TBC1D22A: variants seen among roughly 807,000 people sequenced by gnomAD.
The protein encoded by TBC1D22A is TBC1 domain family member 22A.
Under a neutral mutation model 60.2 loss-of-function variants are expected in TBC1D22A, and 38 were observed. The observed-to-expected ratio is 0.63, with a 90% CI of 0.49 to 0.83. The LOEUF (loss-of-function observed/expected upper bound fraction) is 0.83. TBC1D22A is among the 40% of genes least tolerant of loss of function. The pLI is 0.00. For synonymous variants in TBC1D22A, 302 were observed against 281.7 expected (o/e 1.07, Z -0.72); for missense variants, 628 against 701.0 (o/e 0.90, Z 1.18).
intron 12 of TBC1D22A, among the ~76,000 whole-genome samples, chr22:47,169,981 G>A (rs2068368839): frequency 6.6e-6 from 1 of 152,226 alleles, no homozygotes; most frequent in African/African-American, 2.4e-5. Flanking sequence ...CGCCCGTGGT[G>A]GCCCCTCTGC....
At chr22:47,101,763 G>A (rs1202741929) in intron 11 of TBC1D22A, among the ~76,000 whole-genome samples, 1 of 152,182 alleles carries the variant, frequency 6.6e-6, no homozygotes, top group Non-Finnish European at 1.5e-5. Flanking sequence ...GGCCTCATAT[G>A]CCTTGAGGGG....
intron 7 of TBC1D22A, among the ~76,000 whole-genome samples, chr22:46,905,123 C>G (rs1006773074): frequency 1.3e-5 from 2 of 152,206 alleles, no homozygotes; most frequent in Admixed American, 6.5e-5. Flanking sequence ...ACGGTGGGGA[C>G]TCTTAGGCAC....
intron 4 of TBC1D22A, among the ~76,000 whole-genome samples, chr22:46,827,277 C>T (rs567010103): frequency 6.6e-6 from 1 of 152,304 alleles, no homozygotes; most frequent in East Asian, 1.9e-4. Context: ...TGTGACCTCA[C>T]GTGGGGCAAG....
chr22:47,159,445 T>C (rs2147198769), intron 12 of TBC1D22A, among the ~76,000 whole-genome samples: 1 of 149,168 alleles, frequency 6.7e-6, no homozygotes, highest in African/African-American at 2.5e-5. Context: ...ACACAGCATG[T>C]ATACACACAG....
At chr22:47,167,334 T>C (rs980368375) in intron 12 of TBC1D22A, among the ~76,000 whole-genome samples, 5 of 152,102 alleles carry the variant, frequency 3.3e-5, no homozygotes, top group African/African-American at 1.2e-4. Flanking sequence ...CCGAAGGCAC[T>C]TTGCACACAT....
chr22:46,825,149 T>C (rs1477538882), intron 4 of TBC1D22A, among the ~76,000 whole-genome samples: 1 of 152,206 alleles, frequency 6.6e-6, no homozygotes, highest in Non-Finnish European at 1.5e-5. Flanking sequence ...CAGTGGAGTT[T>C]TGGAGTGTCA....
At chr22:46,956,451 T>G (rs1341865764) in intron 8 of TBC1D22A, among the ~76,000 whole-genome samples, 1 of 152,220 alleles carries the variant, frequency 6.6e-6, no homozygotes, top group Non-Finnish European at 1.5e-5. Context: ...TTTTTTAAGC[T>G]TTTCTGTATT....
intron 11 of TBC1D22A, among the ~76,000 whole-genome samples, chr22:47,070,407 G>A (rs1290144064): frequency 2.2e-5 from 3 of 137,334 alleles, no homozygotes; most frequent in South Asian, 4.8e-4. Context: ...CTGACCTGAC[G>A]GTTCCAGGTT....
intron 11 of TBC1D22A, among the ~76,000 whole-genome samples, chr22:47,095,297 A>G (rs1390523210): frequency 1.3e-5 from 2 of 152,256 alleles, no homozygotes; most frequent in African/African-American, 4.8e-5. Flanking sequence ...CTATGTAAAT[A>G]CGCATATGCG....
At chr22:47,137,657 C>T (rs149388630) in intron 12 of TBC1D22A, among the ~76,000 whole-genome samples, 105 of 152,392 alleles carry the variant, frequency 6.9e-4, no homozygotes, top group Non-Finnish European at 1.2e-3. Flanking sequence ...TCACCGGCCA[C>T]ACTGGGCTAC....
chr22:47,170,071 G>A (rs934969005), intron 12 of TBC1D22A, among the ~76,000 whole-genome samples: 8 of 152,226 alleles, frequency 5.3e-5, no homozygotes, highest in Non-Finnish European at 8.8e-5. Context: ...ACGTGGCCTA[G>A]TGCATAAATA....
chr22:47,158,033 A>G (rs980075640), intron 12 of TBC1D22A, among the ~76,000 whole-genome samples: 2 of 152,120 alleles, frequency 1.3e-5, no homozygotes, highest in African/African-American at 2.4e-5. Flanking sequence ...GGCTTCCCCT[A>G]CGGCCATCCT....
chr22:46,842,433 G>T (rs1190476924), intron 4 of TBC1D22A, among the ~76,000 whole-genome samples: 1 of 151,126 alleles, frequency 6.6e-6, no homozygotes, highest in Non-Finnish European at 1.5e-5. Context: ...GAGTATGTTA[G>T]GTCTCCTCCA....
chr22:46,922,075 A>G (rs996623860), intron 8 of TBC1D22A, among the ~76,000 whole-genome samples: 2 of 152,168 alleles, frequency 1.3e-5, no homozygotes, highest in Non-Finnish European at 2.9e-5. Flanking sequence ...GGTATAACAA[A>G]GGGGTCTAGT....
intron 11 of TBC1D22A, among the ~76,000 whole-genome samples, chr22:47,075,937 ATTAGTG>A (rs1213368079): frequency 6.6e-6 from 1 of 152,182 alleles, no homozygotes; most frequent in East Asian, 1.9e-4. Flanking sequence ...GCCAAAATGT[ATTAGTG>A]TTAGGAGATC....
intron 5 of TBC1D22A, among the ~76,000 whole-genome samples, chr22:46,888,429 G>A (rs1042980520): frequency 6.6e-6 from 1 of 152,236 alleles, no homozygotes. Flanking sequence ...CATCCGGGAT[G>A]TATTTGTTCA....
At chr22:47,140,850 C>CCTG (rs2147142022) in intron 12 of TBC1D22A, among the ~76,000 whole-genome samples, 1 of 152,358 alleles carries the variant, frequency 6.6e-6, no homozygotes, top group South Asian at 2.1e-4. Context: ...CCCAAAAAAA[C>CCTG]CTGCCTCCCA....
chr22:47,147,502 C>T lies in TBC1D22A; in HGVS notation c.1426-25996C>T, dbSNP rs182659898. ...TGCGGTCCTCCAACACACACACGTTCTGCACCCACCTCCTGGGACATCGTG... is the reference window on the plus strand; with the variant it reads ...TGCGGTCCTCCAACACACACACGTTTTGCACCCACCTCCTGGGACATCGTG... On this transcript the variant is annotated intron_variant, in intron 12 of 12. Transcript: ENST00000337137. Among the ~76,000 whole-genome samples the T allele has an allele frequency of 2.5e-3, 376 of 152,352 alleles. 1 individual carries two copies. The highest frequency in any genetic ancestry group is 0.01 in the Middle Eastern group (3 of 294).
chr22:47,074,987 G>T (rs1330431514), intron 11 of TBC1D22A, among the ~76,000 whole-genome samples: 2 of 152,194 alleles, frequency 1.3e-5, no homozygotes, highest in Non-Finnish European at 2.9e-5. Flanking sequence ...ACTTTGGGAG[G>T]CCAAGGCAGG....
Sources: gnomAD v4.1 joint callset for allele counts (sites outside exome capture counted in the v4.1 genomes callset) on GRCh38, gnomAD v4.1.1 for gene constraint, MANE v1.5 for transcripts, NCBI Gene and HGNC (gene_info 2026-07-23, HGNC 2026-07-21) for gene names.